The following ZKSCAN5 variants were observed in gnomAD, a reference collection of about 807,000 sequenced individuals.
The protein encoded by ZKSCAN5 is zinc finger with KRAB and SCAN domains 5.
Under a neutral mutation model 60.0 loss-of-function variants are expected in ZKSCAN5, and 28 were observed. The ratio of observed to expected loss-of-function variants is 0.47; its 90% CI spans 0.35 to 0.64. The LOEUF (loss-of-function observed/expected upper bound fraction) is 0.64, where lower values mean the gene tolerates loss of function less well. ZKSCAN5 is among the 30% of genes least tolerant of loss of function. ZKSCAN5 has a pLI of 0.01. For synonymous variants in ZKSCAN5, 361 were observed against 371.2 expected (o/e 0.97, Z 0.31); for missense variants, 881 against 1,034.6 (o/e 0.85, Z 2.04).
Position 99,531,328 on chromosome 7 carries a change from T to C in ZKSCAN5, c.1599T>C (p.Ser533=). ...GQPSSKRMNY[S]EVPYVHKKSS... ...CATCTTCAAAGAGGATGAACTACAG[T>C]GAAGTCCCATATGTCCACAAAAAAT... Residue 533 remains serine (S), a synonymous_variant, in exon 7 of 7, where the codon AGT becomes AGC. Transcript: ENST00000326775. 2 of 1,614,132 alleles carry C rather than the reference T, an allele frequency of 1.2e-6. No individual in the cohort carries two copies. The highest frequency in any genetic ancestry group is 1.3e-5 in the African/African-American group (1 of 75,038).
chr7:99,520,003 T>A, intron 4 of ZKSCAN5, 94 bp downstream of exon 4: 1 of 1,526,992 alleles, frequency 6.5e-7, no homozygotes, highest in South Asian at 1.1e-5. Flanking sequence ...CCATCTTGGG[T>A]TGGTACCTTC....
Position 99,525,899 on chromosome 7 carries a change from G to T in ZKSCAN5, c.859G>T (p.Glu287Ter), listed in dbSNP as rs146328296. ...ACACTGGGTGGCGCCAGAACACACC[G>T]AAAGGAGCGTTCCTCAGGATCCAGA... ...ESHWVAPEHTERSVPQDPDFA... is the reference protein window; with the variant it reads ...ESHWVAPEHT Residue 287 changes from glutamate to a stop codon, truncating the protein, a stop_gained, in exon 6 of 7, where the codon GAA (glutamate) becomes TAA (stop). Transcript: ENST00000326775. LOFTEE classifies it high-confidence loss of function. 1 of 1,614,016 alleles carries T rather than the reference G, an allele frequency of 6.2e-7. No homozygotes were observed. Among genetic ancestry groups the T allele is most frequent in the African/African-American group, 1.3e-5 (1 of 74,982 alleles).
At chr7:99,510,300 C>T (rs1224881313) in intron 2 of ZKSCAN5, among the ~76,000 whole-genome samples, 7 of 151,970 alleles carry the variant, frequency 4.6e-5, no homozygotes, top group Admixed American at 4.6e-4. Flanking sequence ...AGTGCAGTGG[C>T]CTGATCTTGG....
At chr7:99,521,487 A>G (rs7804551) in intron 5 of ZKSCAN5, among the ~76,000 whole-genome samples, 54,767 of 152,022 alleles carry the variant, frequency 0.36, 15,604 homozygotes, top group African/African-American at 0.79. Context: ...GTGAGCCACC[A>G]TGCCCCGCCC....
chr7:99,525,824 A>G lies in ZKSCAN5; in HGVS notation c.784A>G (p.Arg262Gly), dbSNP rs888672471. 2 of 1,608,812 alleles carry G rather than the reference A, an allele frequency of 1.2e-6. No homozygotes were observed. The highest frequency in any genetic ancestry group is 1.3e-5 in the African/African-American group (1 of 74,752). Residue 262 changes from arginine to glycine, a missense_variant, in exon 6 of 7, where the codon AGG (arginine) becomes GGG (glycine). Coordinates refer to ENST00000326775, the MANE Select transcript of ZKSCAN5 (RefSeq NM_145102.4). ...GSITSMGYES[R>G]DNMELIVKQI... ...CTCTGTTATTTCAGGTTATGAGTCC[A>G]GGGACAATATGGAGCTCATAGTGAA... is the stretch of plus-strand genomic sequence containing the variant.
Position 99,525,830 on chromosome 7 carries a change from A to G in ZKSCAN5, c.790A>G (p.Asn264Asp). ...ITSMGYESRD[N>D]MELIVKQISD... The stretch of plus-strand genomic sequence containing the variant: ...TATTTCAGGTTATGAGTCCAGGGAC[A>G]ATATGGAGCTCATAGTGAAGCAGAT... Residue 264 changes from asparagine to aspartate, a missense_variant, in exon 6 of 7, where the codon AAT (asparagine) becomes GAT (aspartate). Coordinates refer to ENST00000326775, the MANE Select transcript of ZKSCAN5 (RefSeq NM_145102.4). 6.2e-7 allele frequency: 1 copy of G among 1,611,254 alleles called. No homozygotes were observed.
Position 99,531,442 on chromosome 7 carries a change from C to T in ZKSCAN5, c.1713C>T (p.His571=), listed in dbSNP as rs1802041097. The change falls in exon 7 of 7, where the codon CAC becomes CAT. Residue 571 remains histidine (H), a synonymous_variant. Coordinates refer to ENST00000326775, the MANE Select transcript of ZKSCAN5 (RefSeq NM_145102.4). The part of the protein sequence containing the change: ...SAHLIQHQRI[H]TGEKPFRCEE... ...ATCTTATTCAACATCAAAGAATACACACTGGGGAGAAACCATTCAGGTGTG... is the reference window on the plus strand; with the variant it reads ...ATCTTATTCAACATCAAAGAATACATACTGGGGAGAAACCATTCAGGTGTG... The T allele has an allele frequency of 1.2e-6, 2 of 1,614,198 alleles. No individual in the cohort carries two copies. The highest frequency in any genetic ancestry group is 4.5e-5 in the East Asian group (2 of 44,880).
chr7:99,519,758 G>A (rs1443824353), intron 3 of ZKSCAN5, 69 bp from the exon 4 acceptor site: 14 of 1,486,278 alleles, frequency 9.4e-6, no homozygotes, highest in Non-Finnish European at 1.3e-5. Context: ...CTGAGCATAA[G>A]AGGAACATGA....
In ZKSCAN5 at chr7:99,526,026, A is replaced by G. The variant is rs747987408; in HGVS notation, c.986A>G (p.Asp329Gly). 1 of 1,614,200 alleles carries G rather than the reference A, an allele frequency of 6.2e-7. No individual in the cohort carries two copies. Among genetic ancestry groups the G allele is most frequent in the Non-Finnish European group, 8.5e-7 (1 of 1,180,044 alleles). The change falls in exon 6 of 7, where the codon GAT (aspartate) becomes GGT (glycine). Residue 329 changes from aspartate (D) to glycine (G), a missense_variant. By Grantham distance (94) the Asp-to-Gly change is moderately conservative. This residue lies in a region of ZKSCAN5 where 490 missense variants were observed against 554.5 expected (regional missense o/e 0.88). Coordinates refer to ENST00000326775, the MANE Select transcript of ZKSCAN5 (RefSeq NM_145102.4). ...RQNPSQKRDL[D>G]AITDISPKQS... ...AATCCTTCCCAGAAAAGGGATCTGG[A>G]TGCAATCACAGACATCAGCCCTAAG...
chr7:99,529,530 G>C (rs977816022), intron 6 of ZKSCAN5, among the ~76,000 whole-genome samples: 1 of 152,182 alleles, frequency 6.6e-6, no homozygotes, highest in East Asian at 1.9e-4. Flanking sequence ...CAGAAGACAG[G>C]CGCTTACAGT....
chr7:99,531,850 C>T lies in ZKSCAN5; in HGVS notation c.2121C>T (p.Asp707=). 6.2e-7 allele frequency: 1 copy of T among 1,614,138 alleles called. No individual in the cohort carries two copies. The highest frequency in any genetic ancestry group is 8.5e-7 in the Non-Finnish European group (1 of 1,180,024). The change falls in exon 7 of 7, where the codon GAC becomes GAT. Residue 707 remains aspartate (D), a synonymous_variant. Transcript: ENST00000326775. ...AYSWNLTVIE[D]KKIELQEQPY... The stretch of plus-strand genomic sequence containing the variant: ...GTTGGAACTTGACAGTGATTGAAGA[C>T]AAGAAGATTGAGTTACAAGAGCAGC...
chr7:99,506,314 G>C lies in ZKSCAN5; in HGVS notation c.270G>C (p.Leu90=). Residue 90 remains leucine (L), a synonymous_variant, in exon 2 of 7, where the codon CTG becomes CTC. Transcript: ENST00000326775. The part of the protein sequence containing the change: ...RPELHTKEQI[L]ELLVLEQFLT... Reference sequence around the variant, plus strand: ...AGCTGCACACGAAGGAGCAGATCCTGGAGCTGCTGGTGCTGGAGCAGTTCC... The same window carrying C: ...AGCTGCACACGAAGGAGCAGATCCTCGAGCTGCTGGTGCTGGAGCAGTTCC... The C allele has an allele frequency of 6.2e-7, 1 of 1,614,244 alleles. No homozygotes were observed. The highest frequency in any genetic ancestry group is 1.1e-5 in the South Asian group (1 of 91,086).
At chr7:99,519,728 G>C in intron 3 of ZKSCAN5, 99 bp from the exon 4 acceptor site, 6 of 1,207,286 alleles carry the variant, frequency 5.0e-6, no homozygotes, top group Non-Finnish European at 7.2e-6. Flanking sequence ...CCTCGGCGCA[G>C]TAGGGGCCAT....
At position 99,532,493 on chromosome 7, in the gene ZKSCAN5, A is replaced by C. The variant is rs1172804510; in HGVS notation, c.*244A>C. 2 of 372,136 alleles carry C rather than the reference A, an allele frequency of 5.4e-6. No homozygotes were observed. Among genetic ancestry groups the C allele is most frequent in the Non-Finnish European group, 9.5e-6 (2 of 209,896 alleles). The allele number at this position is 372,136 out of a possible 1,614,324, so 23.1% of individuals were successfully genotyped here. A position where few individuals can be genotyped will look rare whatever the true frequency, so the allele number is the denominator to read the frequency against. On this transcript the variant is annotated 3_prime_UTR_variant, in exon 7 of 7. Transcript: ENST00000326775. ...GCTTGGAAATCTAGACAAGAAGAGA[A>C]TCCATGGATGGACATGGTCGAGGAA... is the stretch of plus-strand genomic sequence containing the variant.
chr7:99,518,462 A>G (rs1422884789), intron 3 of ZKSCAN5, among the ~76,000 whole-genome samples: 2 of 151,942 alleles, frequency 1.3e-5, no homozygotes, highest in Non-Finnish European at 2.9e-5. Context: ...AAAATGAAAA[A>G]GAAATGCAAA....
intron 3 of ZKSCAN5, among the ~76,000 whole-genome samples, chr7:99,516,048 C>T (rs1439111656): frequency 6.6e-6 from 1 of 151,512 alleles, no homozygotes; most frequent in Non-Finnish European, 1.5e-5. Flanking sequence ...AGTGTAGTGG[C>T]GTGACTGCAA....
Position 99,523,612 on chromosome 7 carries a change from A to G in ZKSCAN5, c.773-2201A>G, listed in dbSNP as rs548224065. Among the ~76,000 whole-genome samples the G allele has an allele frequency of 5.9e-5, 9 of 152,100 alleles. No individual in the cohort carries two copies. In the East Asian group the frequency reaches 1.5e-3, roughly 26 times the overall value. ...CAGAGCAAGACCCAGTCTCAAATCA[A>G]TCAATCAATCAATCAATCAATCAAT... On this transcript the variant is annotated intron_variant, in intron 5 of 6. Coordinates refer to ENST00000326775, the MANE Select transcript of ZKSCAN5 (RefSeq NM_145102.4).
intron 6 of ZKSCAN5, among the ~76,000 whole-genome samples, chr7:99,529,350 A>G (rs1801944300): frequency 6.6e-6 from 1 of 152,166 alleles, no homozygotes; most frequent in Non-Finnish European, 1.5e-5. Flanking sequence ...CATGTTGGTC[A>G]GGCTGGTCTT....
At chr7:99,512,193 G>A (rs1382431692) in intron 2 of ZKSCAN5, among the ~76,000 whole-genome samples, 1 of 152,174 alleles carries the variant, frequency 6.6e-6, no homozygotes, top group African/African-American at 2.4e-5. Flanking sequence ...CTGTCTCATG[G>A]AATTAGTTTC....
Sources: gnomAD v4.1 joint callset for allele counts (sites outside exome capture counted in the v4.1 genomes callset) on GRCh38, gnomAD v4.1.1 for gene constraint, gnomAD v4.1.1 regional missense constraint, MANE v1.5 for transcripts, NCBI Gene and HGNC (gene_info 2026-07-23, HGNC 2026-07-21) for gene names.